RGS6: variants seen among roughly 807,000 people sequenced by gnomAD.
RGS6 encodes the protein regulator of G protein signaling 6, also known as regulator of G-protein signaling 6.
In RGS6, 30 loss-of-function variants were observed where a neutral mutation model predicts 78.5. That is an observed-to-expected ratio of 0.38 (90% confidence interval 0.29 to 0.52). The LOEUF (loss-of-function observed/expected upper bound fraction) is 0.52, where lower values mean the gene tolerates loss of function less well. RGS6 is among the 20% of genes least tolerant of loss of function. RGS6 has a pLI of 0.85. For synonymous variants in RGS6, 206 were observed against 206.0 expected (o/e 1.00, Z 0.00); for missense variants, 495 against 609.7 (o/e 0.81, Z 1.98).
intron 2 of RGS6, among the ~76,000 whole-genome samples, chr14:72,171,684 A>T (rs539027904): frequency 3.9e-5 from 6 of 152,244 alleles, no homozygotes; most frequent in Non-Finnish European, 5.9e-5. Context: ...CCAAGAGCAC[A>T]TCTTGACTTC....
chr14:72,204,229 A>T (rs1376700436), intron 2 of RGS6, among the ~76,000 whole-genome samples: 1 of 152,180 alleles, frequency 6.6e-6, no homozygotes, highest in African/African-American at 2.4e-5. Context: ...CACCCCAAAC[A>T]GAAACTTGAA....
At chr14:72,125,520 A>G (rs563735952) in intron 2 of RGS6, among the ~76,000 whole-genome samples, 2 of 152,264 alleles carry the variant, frequency 1.3e-5, no homozygotes, top group South Asian at 4.1e-4. Context: ...GCAGTAGAGA[A>G]AAGATTTTAT....
At chr14:71,984,362 G>T (rs922009086) in intron 2 of RGS6, among the ~76,000 whole-genome samples, 1 of 149,308 alleles carries the variant, frequency 6.7e-6, no homozygotes, top group Non-Finnish European at 1.5e-5. Context: ...GTTAGTGTGA[G>T]AGCTGGGTGT....
At chr14:72,348,597 T>A (rs2078503961) in intron 2 of RGS6, among the ~76,000 whole-genome samples, 1 of 152,106 alleles carries the variant, frequency 6.6e-6, no homozygotes, top group African/African-American at 2.4e-5. Flanking sequence ...TACAACAATG[T>A]CAAAAATTTG....
intron 2 of RGS6, among the ~76,000 whole-genome samples, chr14:72,277,112 TTC>T (rs2060803070): frequency 6.6e-6 from 1 of 152,212 alleles, no homozygotes; most frequent in Non-Finnish European, 1.5e-5. Flanking sequence ...AGAGTCCACT[TTC>T]TCTCAACACT....
chr14:72,047,898 G>T (rs7359074), intron 2 of RGS6, among the ~76,000 whole-genome samples: 7,763 of 28,860 alleles, frequency 0.27, 739 homozygotes, highest in Middle Eastern at 0.35. Flanking sequence ...GCTAATTTTT[G>T]TTTTTTTTTT....
chr14:72,238,174 G>A (rs561703418), intron 2 of RGS6, among the ~76,000 whole-genome samples: 19 of 152,292 alleles, frequency 1.2e-4, no homozygotes, highest in African/African-American at 3.9e-4. Flanking sequence ...AAGTTAAGCC[G>A]CATCTGTTTA....
At chr14:72,434,450 T>C (rs2094807127) in intron 3 of RGS6, among the ~76,000 whole-genome samples, 1 of 152,234 alleles carries the variant, frequency 6.6e-6, no homozygotes, top group South Asian at 2.1e-4. Context: ...TTGTCCATGC[T>C]TCCTGAAAAT....
chr14:72,521,515 T>C (rs2097040568), intron 15 of RGS6, among the ~76,000 whole-genome samples: 1 of 152,214 alleles, frequency 6.6e-6, no homozygotes, highest in East Asian at 1.9e-4. Context: ...ATTTTCCAAG[T>C]ACTTCTAAAT....
chr14:72,541,200 G>A (rs935014069), intron 17 of RGS6: 7 of 1,401,744 alleles, frequency 5.0e-6, no homozygotes, highest in Non-Finnish European at 6.6e-6. Context: ...CCTCTGTTGA[G>A]GAGGAAAATC....
In RGS6 at chr14:72,545,464, A is replaced by G. The variant is rs753088561; in HGVS notation, c.1422+5370A>G. 2.5e-4 allele frequency among the ~76,000 whole-genome samples: 38 copies of G among 151,418 alleles called. 1 individual carries two copies. The highest frequency in any genetic ancestry group is 1.0e-4 in the Non-Finnish European group (7 of 67,934). ...TCAAGCAAATCACTAGCCCTCTCTG[A>G]GCCCTGGTTTTCTCCTCTGAAATGA... On this transcript the variant is annotated intron_variant, in intron 17 of 17. Coordinates refer to ENST00000553525, the MANE Select transcript of RGS6 (RefSeq NM_001204424.2).
the RGS6 span, among the ~76,000 whole-genome samples, chr14:71,900,853 G>A: frequency 3.3e-5 from 5 of 152,144 alleles, no homozygotes; most frequent in African/African-American, 1.2e-4. Context: ...GCCTCAGGAA[G>A]CTTACAGTCA....
At position 72,420,378 on chromosome 14, in the gene RGS6, G is replaced by A. The variant is rs144714927; in HGVS notation, c.185-34150G>A. On this transcript the variant is annotated intron_variant, in intron 3 of 17. Coordinates refer to ENST00000553525, the MANE Select transcript of RGS6 (RefSeq NM_001204424.2). ...AGAGATTTGGGAATCAGGATTTGCTGCAGATACTTTGAGGAATCTAGGCCT... is the reference window on the plus strand; with the variant it reads ...AGAGATTTGGGAATCAGGATTTGCTACAGATACTTTGAGGAATCTAGGCCT... Among the ~76,000 whole-genome samples, 622 of 152,320 alleles carry A rather than the reference G, an allele frequency of 4.1e-3. 5 individuals are homozygous for A. The highest frequency in any genetic ancestry group is 0.014 in the African/African-American group (563 of 41,562).
At chr14:72,269,109 G>A (rs999153020) in intron 2 of RGS6, among the ~76,000 whole-genome samples, 10 of 145,726 alleles carry the variant, frequency 6.9e-5, no homozygotes, top group African/African-American at 2.6e-4. Flanking sequence ...CTACTTGTAA[G>A]ATATACCCAG....
chr14:72,601,218 A>G, the RGS6 span, among the ~76,000 whole-genome samples: 1 of 151,990 alleles, frequency 6.6e-6, no homozygotes, highest in Non-Finnish European at 1.5e-5. Flanking sequence ...TCACTCACAC[A>G]CCCTTAGCAT....
At chr14:72,552,388 G>A (rs937935668) in intron 17 of RGS6, among the ~76,000 whole-genome samples, 3 of 152,222 alleles carry the variant, frequency 2.0e-5, no homozygotes, top group African/African-American at 7.2e-5. Context: ...CCTGTAAGGT[G>A]CTGGGAGGTG....
chr14:72,410,419 G>GT (rs1213712581), intron 3 of RGS6, among the ~76,000 whole-genome samples: 1 of 152,096 alleles, frequency 6.6e-6, no homozygotes, highest in African/African-American at 2.4e-5. Context: ...GGGGTTGTTT[G>GT]TTTTTTTCTT....
chr14:72,205,678 G>C (rs1045691825), intron 2 of RGS6, among the ~76,000 whole-genome samples: 5 of 152,216 alleles, frequency 3.3e-5, no homozygotes, highest in Admixed American at 3.3e-4. Flanking sequence ...TGTGTGCAAA[G>C]GTTTCTGGTG....
intron 2 of RGS6, among the ~76,000 whole-genome samples, chr14:72,214,425 C>T (rs759019173): frequency 2.0e-5 from 3 of 151,938 alleles, no homozygotes; most frequent in Non-Finnish European, 4.4e-5. Context: ...AACTTTCTAG[C>T]GTGTGTATGT....
Sources: gnomAD v4.1 joint callset for allele counts (sites outside exome capture counted in the v4.1 genomes callset) on GRCh38, gnomAD v4.1.1 for gene constraint, MANE v1.5 for transcripts, NCBI Gene and HGNC (gene_info 2026-07-23, HGNC 2026-07-21) for gene names.